SPATA6L: variants seen among roughly 807,000 people sequenced by gnomAD.
SPATA6L encodes the protein spermatogenesis associated 6 like.
SPATA6L carries 68 observed loss-of-function variants against 49.2 expected under a neutral mutation model. The observed-to-expected ratio is 1.38, with a 90% CI of 1.14 to 1.69. The LOEUF is 1.69. SPATA6L is among the 40% of genes most tolerant of loss of function. The probability of loss-of-function intolerance (pLI) is 0.00; values close to 1 mark genes in which losing one functional copy is unlikely to be tolerated. For synonymous variants in SPATA6L, 198 were observed against 165.7 expected, an observed-to-expected ratio of 1.19 and a Z score of -1.50; for missense variants, 668 against 464.3, an observed-to-expected ratio of 1.44 and a Z score of -4.03.
At chr9:4,635,487 T>C in intron 3 of SPATA6L, 88 bp from the exon 4 acceptor site, 1 of 1,335,694 alleles carries the variant, frequency 7.5e-7, no homozygotes. Flanking sequence ...ATGGCAGAGA[T>C]GGCACTCAGG....
Position 4,662,243 on chromosome 9 carries a change from G to T in SPATA6L, c.40-207C>A, listed in dbSNP as rs923683441. The T allele has an allele frequency of 2.8e-6, 4 of 1,433,614 alleles. No homozygotes were observed. The highest frequency in any genetic ancestry group is 2.9e-5 in the Admixed American group (1 of 34,914). 88.8% of individuals were successfully genotyped at this position (1,433,614 alleles called of 1,614,324 possible). On this transcript the variant is annotated intron_variant, in intron 1 of 11. Transcript: ENST00000682582. The surrounding 1 kb of genome is among the most constrained non-coding windows in gnomAD (Gnocchi z 4.9). ...CAACTCCCTCCCACGTCTCCACCAG[G>T]TGTCACAATCGCGCTCTCGCCGGCT...
intron 8 of SPATA6L, 50 bp downstream of exon 8, chr9:4,618,814 A>G (rs1828604066): frequency 1.3e-6 from 2 of 1,531,354 alleles, no homozygotes; most frequent in African/African-American, 2.8e-5. Context: ...AATAATTGAC[A>G]TAAGATATCT....
downstream of SPATA6L, among the ~76,000 whole-genome samples, chr9:4,598,264 CA>C (rs1254504207): frequency 6.6e-6 from 1 of 152,134 alleles, no homozygotes; most frequent in African/African-American, 2.4e-5. Context: ...GACAGATCTG[CA>C]ACCATAAAAA....
chr9:4,610,179 C>G (rs979009455), intron 9 of SPATA6L, among the ~76,000 whole-genome samples: 80 of 152,024 alleles, frequency 5.3e-4, no homozygotes, highest in Non-Finnish European at 1.1e-3. Flanking sequence ...ATTCCATGCT[C>G]ATGGGTAGGA....
intron 3 of SPATA6L, among the ~76,000 whole-genome samples, chr9:4,653,636 AG>A (rs1204581189): frequency 6.6e-6 from 1 of 152,226 alleles, no homozygotes; most frequent in Non-Finnish European, 1.5e-5. Flanking sequence ...GGATATATAA[AG>A]AACATTTACA....
Position 4,666,478 on chromosome 9 carries a change from G to T in SPATA6L, c.-228C>A. The T allele has an allele frequency of 1.8e-6, 1 of 568,512 alleles. No homozygotes were observed. Among genetic ancestry groups the T allele is most frequent in the Non-Finnish European group, 3.2e-6 (1 of 317,140 alleles). The allele number at this position is 568,512 out of a possible 1,614,324, so 35.2% of individuals were successfully genotyped here. A position where few individuals can be genotyped will look rare whatever the true frequency, so the allele number is the denominator to read the frequency against. On this transcript the variant is annotated 5_prime_UTR_variant, in exon 1 of 12. Coordinates refer to ENST00000682582, the MANE Select transcript of SPATA6L (RefSeq NM_001353486.2). ...GGCTTCCAGAAGGCGGAAGCGTGGC[G>T]TTGCCAGGGACACTCAAACGCGCAG... is the stretch of plus-strand genomic sequence containing the variant.
At chr9:4,661,272 A>C (rs1012194346) in intron 2 of SPATA6L, among the ~76,000 whole-genome samples, 1 of 152,220 alleles carries the variant, frequency 6.6e-6, no homozygotes, top group Non-Finnish European at 1.5e-5. Context: ...ATTCCAAAAC[A>C]AAAATGTTAA....
intron 5 of SPATA6L, 22 bp from the exon 6 acceptor site, chr9:4,625,588 TA>T (rs1172562504): frequency 2.1e-6 from 3 of 1,443,962 alleles, no homozygotes; most frequent in Non-Finnish European, 1.9e-6. Context: ...AAAAAAAGAA[TA>T]TTTTTTAAAA....
At chr9:4,643,950 T>C (rs563254590) in intron 3 of SPATA6L, among the ~76,000 whole-genome samples, 4 of 151,244 alleles carry the variant, frequency 2.6e-5, no homozygotes, top group Non-Finnish European at 5.9e-5. Flanking sequence ...GATGTTACAG[T>C]GAGCTGAGCT....
intron 9 of SPATA6L, among the ~76,000 whole-genome samples, chr9:4,609,504 T>G (rs1826138089): frequency 1.3e-5 from 2 of 152,070 alleles, no homozygotes; most frequent in Admixed American, 1.3e-4. Flanking sequence ...CGCAAATCAA[T>G]AAATGTAATC....
At chr9:4,630,111 G>C (rs922334004) in intron 4 of SPATA6L, among the ~76,000 whole-genome samples, 2 of 151,846 alleles carry the variant, frequency 1.3e-5, no homozygotes, top group Admixed American at 6.6e-5. Flanking sequence ...ACAAAACTAT[G>C]GTGATAGAGA....
intron 5 of SPATA6L, chr9:4,627,593 A>T: frequency 2.2e-6 from 1 of 447,176 alleles, no homozygotes; most frequent in South Asian, 2.0e-5. Context: ...TTCCTTCTCC[A>T]TCTTGTTCTA....
intron 2 of SPATA6L, 76 bp from the exon 3 acceptor site, chr9:4,656,165 G>A: frequency 1.6e-6 from 2 of 1,234,710 alleles, no homozygotes; most frequent in Non-Finnish European, 2.3e-6. Context: ...AATGCCAGGT[G>A]CAGTAGCTCA....
At chr9:4,657,931 C>T (rs191114390) in intron 2 of SPATA6L, among the ~76,000 whole-genome samples, 11 of 152,222 alleles carry the variant, frequency 7.2e-5, no homozygotes, top group Middle Eastern at 3.4e-3. Context: ...CTGGAGCCGC[C>T]CCAGCCTAAT....
intron 3 of SPATA6L, among the ~76,000 whole-genome samples, chr9:4,644,908 A>G (rs1835008078): frequency 6.6e-6 from 1 of 152,202 alleles, no homozygotes; most frequent in Non-Finnish European, 1.5e-5. Flanking sequence ...ATTCTAGCAC[A>G]GGGGTCACAG....
chr9:4,627,762 A>T lies in SPATA6L; in HGVS notation c.429+1329T>A. 5.4e-6 allele frequency: 7 copies of T among 1,289,360 alleles called. No individual in the cohort carries two copies. The South Asian group carries it at 8.6e-5, about 16-fold the overall frequency. 79.9% of individuals were successfully genotyped at this position (1,289,360 alleles called of 1,614,324 possible). A position where few individuals can be genotyped will look rare whatever the true frequency, so the allele number is the denominator to read the frequency against. On this transcript the variant is annotated intron_variant, in intron 5 of 11. Coordinates refer to ENST00000682582, the MANE Select transcript of SPATA6L (RefSeq NM_001353486.2). ...GACGCTTCACGCTTACCAAAGACGG[A>T]CCATGAATACAATCCGAGCATCAGC... is the stretch of plus-strand genomic sequence containing the variant.
At chr9:4,619,720 A>T (rs1828842586) in intron 7 of SPATA6L, among the ~76,000 whole-genome samples, 1 of 152,146 alleles carries the variant, frequency 6.6e-6, no homozygotes, top group Admixed American at 6.5e-5. Context: ...TGAGACAACA[A>T]ATATGTAAAA....
At chr9:4,644,107 G>T (rs1201966972) in intron 3 of SPATA6L, among the ~76,000 whole-genome samples, 1 of 143,060 alleles carries the variant, frequency 7.0e-6, no homozygotes, top group Non-Finnish European at 1.5e-5. Context: ...AGCACTTTGG[G>T]TGGCCAAGGT....
intron 1 of SPATA6L, chr9:4,663,925 C>T (rs796092228): frequency 6.0e-5 from 10 of 167,132 alleles, no homozygotes; most frequent in African/African-American, 2.4e-4. Flanking sequence ...TCTTTCTCTC[C>T]TCTCCCTCCA....
Sources: allele counts gnomAD v4.1 joint callset (sites outside exome capture counted in the v4.1 genomes callset), GRCh38; gene constraint gnomAD v4.1.1; non-coding constraint Gnocchi (gnomAD v3.1); transcripts MANE v1.5; gene names NCBI Gene and HGNC (gene_info 2026-07-23, HGNC 2026-07-21).